RBFOX2: variants seen among roughly 807,000 people sequenced by gnomAD.
RBFOX2 encodes the protein RNA binding fox-1 homolog 2.
A neutral mutation model predicts 49.1 loss-of-function variants in RBFOX2; 10 were observed. That is an observed-to-expected ratio of 0.20 (90% CI 0.13 to 0.35). The LOEUF (loss-of-function observed/expected upper bound fraction) is 0.35. Ranked by LOEUF, RBFOX2 falls within the 10% of genes least tolerant of loss-of-function variation. The probability of loss-of-function intolerance (pLI) is 1.00; values close to 1 mark genes in which losing one functional copy is unlikely to be tolerated. For missense variants in RBFOX2, 323 were observed against 486.9 expected (o/e 0.66, Z 3.17); for synonymous variants, 183 against 187.4 (o/e 0.98, Z 0.19).
intron 1 of RBFOX2, among the ~76,000 whole-genome samples, chr22:36,007,145 A>G (rs2058649359): frequency 1.3e-5 from 2 of 152,206 alleles, no homozygotes. Context: ...TTCATCTTGT[A>G]TACACATTCA....
chr22:35,925,977 T>C (rs2051585329), intron 1 of RBFOX2, among the ~76,000 whole-genome samples: 1 of 152,216 alleles, frequency 6.6e-6, no homozygotes, highest in Non-Finnish European at 1.5e-5. Flanking sequence ...TATTCCCCTG[T>C]CTCTCTAATC....
intron 1 of RBFOX2, among the ~76,000 whole-genome samples, chr22:35,834,352 A>G (rs909627334): frequency 3.3e-5 from 5 of 152,252 alleles, no homozygotes; most frequent in African/African-American, 1.2e-4. Context: ...ATAAGCATAT[A>G]TAAAGATTAG....
At chr22:35,799,110 G>T (rs1949311149) in intron 2 of RBFOX2, among the ~76,000 whole-genome samples, 1 of 152,148 alleles carries the variant, frequency 6.6e-6, no homozygotes, top group African/African-American at 2.4e-5. Flanking sequence ...CAGAAACAGA[G>T]AGAGAATTAT....
rs551014457 is a variant in RBFOX2, at chr22:35,752,438, G to A, written c.888-5877C>T. Among the ~76,000 whole-genome samples, 29 of 152,214 alleles carry A rather than the reference G, an allele frequency of 1.9e-4. 1 individual carries two copies. Among genetic ancestry groups the A allele is most frequent in the Non-Finnish European group, 8.8e-5 (6 of 68,026 alleles). On this transcript the variant is annotated intron_variant, in intron 9 of 11. Transcript: ENST00000405409. The stretch of plus-strand genomic sequence containing the variant: ...GAGGAAGTGCCATTATGTACGGAAT[G>A]TGACTGTGGGCACTGCTGAGGTAGC...
chr22:36,002,552 G>C (rs1455950493), intron 1 of RBFOX2, among the ~76,000 whole-genome samples: 3 of 152,332 alleles, frequency 2.0e-5, no homozygotes, highest in Non-Finnish European at 4.4e-5. Context: ...ACATTTATGT[G>C]CACAGAAGTT....
chr22:35,947,948 C>T (rs1005177489), intron 1 of RBFOX2, among the ~76,000 whole-genome samples: 1 of 152,140 alleles, frequency 6.6e-6, no homozygotes, highest in African/African-American at 2.4e-5. Context: ...CAGTAGTGTA[C>T]AGTAATGCCC....
intron 1 of RBFOX2, among the ~76,000 whole-genome samples, chr22:35,877,090 T>G (rs1316711188): frequency 2.6e-5 from 4 of 152,158 alleles, no homozygotes; most frequent in Non-Finnish European, 4.4e-5. Context: ...TTCAATTTTA[T>G]TTCAACACCT....
intron 1 of RBFOX2, among the ~76,000 whole-genome samples, chr22:35,929,975 C>T (rs1470068620): frequency 6.7e-6 from 1 of 149,160 alleles, no homozygotes; most frequent in Non-Finnish European, 1.5e-5. Context: ...AAGTCACTTA[C>T]ATTGAGTAAA....
intron 2 of RBFOX2, among the ~76,000 whole-genome samples, chr22:35,787,452 C>T (rs924251560): frequency 3.9e-5 from 6 of 152,052 alleles, no homozygotes; most frequent in Non-Finnish European, 8.8e-5. Flanking sequence ...GGAAAAAAGC[C>T]AAAGAACTAC....
chr22:35,821,431 G>A (rs1157069794), intron 1 of RBFOX2, among the ~76,000 whole-genome samples: 5 of 151,438 alleles, frequency 3.3e-5, no homozygotes, highest in Non-Finnish European at 5.9e-5. Flanking sequence ...GCGAAACCCC[G>A]TCTCTACTAA....
chr22:35,837,511 A>G (rs905740526), intron 1 of RBFOX2, among the ~76,000 whole-genome samples: 4 of 151,040 alleles, frequency 2.6e-5, no homozygotes, highest in Non-Finnish European at 4.4e-5. Flanking sequence ...ACACATGTGC[A>G]CACACACACA....
At chr22:35,767,731 TA>T (rs1941445660) in intron 5 of RBFOX2, among the ~76,000 whole-genome samples, 1 of 152,188 alleles carries the variant, frequency 6.6e-6, no homozygotes, top group South Asian at 2.1e-4. Flanking sequence ...AGTTTTGGAT[TA>T]TTTCCTCCCT....
chr22:35,869,151 T>C (rs1390256604), intron 1 of RBFOX2, among the ~76,000 whole-genome samples: 1 of 152,088 alleles, frequency 6.6e-6, no homozygotes, highest in Non-Finnish European at 1.5e-5. Flanking sequence ...CTCCAACACA[T>C]TCCAACTGTC....
At chr22:35,914,390 T>C (rs2050176284) in intron 1 of RBFOX2, among the ~76,000 whole-genome samples, 2 of 152,224 alleles carry the variant, frequency 1.3e-5, no homozygotes, top group Admixed American at 1.3e-4. Context: ...ATACCATACA[T>C]GCCCATTTTC....
chr22:35,740,735 G>C (rs1929487351), exon 12 of RBFOX2: 1 of 152,418 alleles, frequency 6.6e-6, no homozygotes, highest in Admixed American at 6.5e-5. Context: ...CCAGAGGGAA[G>C]GGGGTTCATC....
chr22:35,787,826 C>A (rs770053597), intron 2 of RBFOX2, among the ~76,000 whole-genome samples: 1 of 152,188 alleles, frequency 6.6e-6, no homozygotes, highest in East Asian at 1.9e-4. Flanking sequence ...TGGTCATTAT[C>A]CGACCTAACG....
chr22:35,845,129 C>T (rs375853098), upstream of RBFOX2, among the ~76,000 whole-genome samples: 7 of 152,176 alleles, frequency 4.6e-5, no homozygotes, highest in South Asian at 8.3e-4. Flanking sequence ...GAGAGCATTT[C>T]CTGCAATAAT....
In RBFOX2 at chr22:35,950,109, A is replaced by ATT. The variant is rs146393323; in HGVS notation, c.43-11214_43-11213dup. ...TGGTATTGATGTAAGGTCCAACTTC[A>ATT]TTTTTTTTTTTTTTTTTTGCATGTG... On this transcript the variant is annotated intron_variant, in intron 1 of 5. Transcript: ENST00000408983. Among the ~76,000 whole-genome samples, 446 of 107,980 alleles carry ATT rather than the reference A, an allele frequency of 4.1e-3. 7 individuals carry two copies. The highest frequency in any genetic ancestry group is 0.018 in the Middle Eastern group (3 of 168). The allele number at this position is 107,980 out of a possible 152,430, so 70.8% of individuals were successfully genotyped here.
At chr22:35,947,872 T>C (rs1410289919) in intron 1 of RBFOX2, among the ~76,000 whole-genome samples, 2 of 151,956 alleles carry the variant, frequency 1.3e-5, no homozygotes, top group African/African-American at 2.4e-5. Context: ...GGCAAATTTG[T>C]TGTTAAAGAA....
Sources: allele counts gnomAD v4.1 joint callset (sites outside exome capture counted in the v4.1 genomes callset), GRCh38; gene constraint gnomAD v4.1.1; transcripts MANE v1.5; gene names NCBI Gene and HGNC (gene_info 2026-07-23, HGNC 2026-07-21).